SIMC1: variants seen among roughly 807,000 people sequenced by gnomAD.
SIMC1 encodes SUMO interacting motifs containing 1.
In SIMC1, 55 loss-of-function variants were observed where a neutral mutation model predicts 82.3. The observed-to-expected ratio is 0.67, with a 90% CI of 0.54 to 0.84. The LOEUF is 0.84. Among genes scored for constraint, SIMC1 ranks in the 40% least tolerant of loss-of-function variants. The pLI is 0.00. For synonymous variants in SIMC1, 353 were observed against 426.3 expected (o/e 0.83, Z 2.12); for missense variants, 915 against 1,107.2 (o/e 0.83, Z 2.46).
At chr5:176,261,760 A>G (rs1413213781) in intron 1 of SIMC1, among the ~76,000 whole-genome samples, 2 of 148,078 alleles carry the variant, frequency 1.4e-5, no homozygotes, top group East Asian at 2.0e-4. Flanking sequence ...AAAAAAAAGG[A>G]AAAAAAAAAG....
intron 4 of SIMC1, among the ~76,000 whole-genome samples, chr5:176,301,333 T>G (rs907572188): frequency 1.3e-5 from 2 of 152,248 alleles, no homozygotes; most frequent in African/African-American, 2.4e-5. Context: ...GATGTGACTT[T>G]GCTCCTCATT....
chr5:176,264,909 C>T (rs1490993734), intron 1 of SIMC1, among the ~76,000 whole-genome samples: 1 of 152,120 alleles, frequency 6.6e-6, no homozygotes, highest in Non-Finnish European at 1.5e-5. Flanking sequence ...TGGCTCATAC[C>T]TATAATCCCA....
At position 176,263,171 on chromosome 5, in the gene SIMC1, T is replaced by C. The variant is rs2560152; in HGVS notation, c.129+24534T>C. Among the ~76,000 whole-genome samples the C allele has an allele frequency of 4.6e-5, 7 of 152,220 alleles. No homozygotes were observed. The East Asian group carries it at 9.6e-4, about 21-fold the overall frequency. Reference sequence around the variant, plus strand: ...TAAATGGAGAAACATTTCATGTTTGTGAATAGGAAAACTCAATGTCATCAA... The same window carrying C: ...TAAATGGAGAAACATTTCATGTTTGCGAATAGGAAAACTCAATGTCATCAA... On this transcript the variant is annotated intron_variant, in intron 1 of 9. Coordinates refer to ENST00000429602, the MANE Select transcript of SIMC1 (RefSeq NM_001308195.2).
chr5:176,336,594 C>T lies in SIMC1; in HGVS notation c.2172-126C>T, dbSNP rs116046473. On this transcript the variant is annotated intron_variant, in intron 7 of 9. Coordinates refer to ENST00000429602, the MANE Select transcript of SIMC1 (RefSeq NM_001308195.2). ...TCCACAGGTTTTGTGATTCTGTGGGCTTCCATGGTATTCCTTCTTAACTGT... is the reference window on the plus strand; with the variant it reads ...TCCACAGGTTTTGTGATTCTGTGGGTTTCCATGGTATTCCTTCTTAACTGT... 973 of 1,316,488 alleles carry T rather than the reference C, an allele frequency of 7.4e-4. 7 individuals carry two copies. In the African/African-American group the frequency reaches 0.013, roughly 17 times the overall value. 81.6% of individuals were successfully genotyped at this position (1,316,488 alleles called of 1,614,324 possible).
At position 176,345,210 on chromosome 5, in the gene SIMC1, G is replaced by A. The variant is rs749370542; in HGVS notation, c.2441G>A (p.Arg814Gln). The change falls in exon 10 of 10, where the codon CGA becomes CAA. Residue 814 changes from arginine (R) to glutamine (Q), a missense_variant. Physicochemically the swap from Arg to Gln is conservative, Grantham distance 43. Coordinates refer to ENST00000429602, the MANE Select transcript of SIMC1 (RefSeq NM_001308195.2). ...CACTTAAGGAGTTCCGTGATCGACC[G>A]AAAGGACTTAATAATCAAAAGGATT... is the stretch of plus-strand genomic sequence containing the variant. ...REHLRSSVID[R>Q]KDLIIKRIKP... is the part of the protein sequence containing the mutation. 8 of 1,613,670 alleles carry A rather than the reference G, an allele frequency of 5.0e-6. No individual in the cohort carries two copies. Among genetic ancestry groups the A allele is most frequent in the East Asian group, 2.2e-5 (1 of 44,882 alleles).
chr5:176,345,030 T>C (rs1248443358), intron 9 of SIMC1, among the ~76,000 whole-genome samples, 153 bp from the exon 10 acceptor site: 1 of 152,108 alleles, frequency 6.6e-6, no homozygotes, highest in Non-Finnish European at 1.5e-5. Flanking sequence ...CTTTTGGAAG[T>C]GGAGTTACTG....
At chr5:176,334,979 G>A (rs1263013814) in intron 7 of SIMC1, among the ~76,000 whole-genome samples, 3 of 151,680 alleles carry the variant, frequency 2.0e-5, no homozygotes, top group Admixed American at 1.3e-4. Flanking sequence ...TAATCCCAGC[G>A]GCTCAGGAGG....
chr5:176,287,110 C>T (rs1413314936), intron 1 of SIMC1, among the ~76,000 whole-genome samples: 2 of 152,116 alleles, frequency 1.3e-5, no homozygotes, highest in Non-Finnish European at 2.9e-5. Flanking sequence ...ACCATTTGAC[C>T]CAGCCATCCC....
rs373567827 is a variant in SIMC1, at chr5:176,260,848, A to G, written c.129+22211A>G. Among the ~76,000 whole-genome samples the G allele has an allele frequency of 1.6e-4, 24 of 152,268 alleles. No homozygotes were observed. In the South Asian group the frequency reaches 1.7e-3, roughly 11 times the overall value. ...AGATGCGCAGAAATGGCAGATGCTC[A>G]CTTTCCCAGGCTCTGGTACACCTAG... On this transcript the variant is annotated intron_variant, in intron 1 of 9. Coordinates refer to ENST00000429602, the MANE Select transcript of SIMC1 (RefSeq NM_001308195.2).
At chr5:176,245,395 C>T (rs941307472) in intron 1 of SIMC1, among the ~76,000 whole-genome samples, 32 of 152,156 alleles carry the variant, frequency 2.1e-4, no homozygotes, top group African/African-American at 7.5e-4. Context: ...TTCAAGAGAA[C>T]GTGGCTCTGT....
At chr5:176,275,742 G>C (rs1445460553) in intron 1 of SIMC1, among the ~76,000 whole-genome samples, 1 of 151,792 alleles carries the variant, frequency 6.6e-6, no homozygotes, top group Non-Finnish European at 1.5e-5. Flanking sequence ...TGTGGTTTTT[G>C]TCTTTGGTTC....
intron 7 of SIMC1, among the ~76,000 whole-genome samples, chr5:176,330,990 A>G (rs1765631429): frequency 1.3e-5 from 2 of 152,208 alleles, no homozygotes; most frequent in Admixed American, 1.3e-4. Flanking sequence ...ATTGAGAACA[A>G]CAAAACACCA....
At chr5:176,268,606 A>C (rs1411214729) in intron 1 of SIMC1, among the ~76,000 whole-genome samples, 1 of 152,200 alleles carries the variant, frequency 6.6e-6, no homozygotes, top group Non-Finnish European at 1.5e-5. Context: ...TAATGATAAA[A>C]GAGTTAATAC....
chr5:176,289,987 T>G lies in SIMC1; in HGVS notation c.463T>G (p.Tyr155Asp), dbSNP rs372294231. 9.9e-6 allele frequency: 16 copies of G among 1,613,442 alleles called. No individual in the cohort carries two copies. Among genetic ancestry groups the G allele is most frequent in the Non-Finnish European group, 1.4e-5 (16 of 1,179,600 alleles). The change falls in exon 2 of 10, where the codon TAT (tyrosine) becomes GAT (aspartate). Residue 155 changes from tyrosine to aspartate, a missense_variant. Tyr to Asp is a radical substitution (Grantham distance 160). This residue lies in a region of SIMC1 where 902 missense variants were observed against 1,040.3 expected (regional missense o/e 0.87). Coordinates refer to ENST00000429602, the MANE Select transcript of SIMC1 (RefSeq NM_001308195.2). ...TACATCCATCAGTGGAGGCTCTGTT[T>G]ATCCAACAGAGCCTAATTGTAGCTC... ...PATSISGGSV[Y>D]PTEPNCSSAT... is the part of the protein sequence containing the mutation.
At chr5:176,330,011 C>T (rs1240832833) in intron 7 of SIMC1, among the ~76,000 whole-genome samples, 1 of 152,044 alleles carries the variant, frequency 6.6e-6, no homozygotes, top group Non-Finnish European at 1.5e-5. Flanking sequence ...TGTTTCCTAC[C>T]TCTGCCCACT....
intron 5 of SIMC1, among the ~76,000 whole-genome samples, chr5:176,318,645 G>A (rs1210638825): frequency 6.6e-6 from 1 of 152,190 alleles, no homozygotes; most frequent in Non-Finnish European, 1.5e-5. Context: ...TAAGAAAGGT[G>A]TATAGGAAGT....
intron 4 of SIMC1, among the ~76,000 whole-genome samples, chr5:176,305,065 C>A (rs1196998477): frequency 1.3e-5 from 2 of 150,060 alleles, no homozygotes; most frequent in Non-Finnish European, 3.0e-5. Context: ...AGCGTCTCCG[C>A]CCGGCAGCCA....
At chr5:176,244,823 G>A (rs1317116975) in intron 1 of SIMC1, among the ~76,000 whole-genome samples, 2 of 145,776 alleles carry the variant, frequency 1.4e-5, no homozygotes, top group Admixed American at 1.4e-4. Flanking sequence ...CCTGGCTCAA[G>A]TGATTCTCCT....
In SIMC1 at chr5:176,289,979, G is replaced by T. The variant is rs1763469419; in HGVS notation, c.455G>T (p.Gly152Val). ...CCACCCGCTACATCCATCAGTGGAG[G>T]CTCTGTTTATCCAACAGAGCCTAAT... is the stretch of plus-strand genomic sequence containing the variant. ...GPPPATSISG[G>V]SVYPTEPNCS... The change falls in exon 2 of 10, where the codon GGC becomes GTC. Residue 152 changes from glycine (G) to valine (V), a missense_variant. Coordinates refer to ENST00000429602, the MANE Select transcript of SIMC1 (RefSeq NM_001308195.2). 6.2e-7 allele frequency: 1 copy of T among 1,613,592 alleles called. No homozygotes were observed. Among genetic ancestry groups the T allele is most frequent in the South Asian group, 1.1e-5 (1 of 91,068 alleles).
Sources: gnomAD v4.1 joint callset for allele counts (sites outside exome capture counted in the v4.1 genomes callset) on GRCh38, gnomAD v4.1.1 for gene constraint, gnomAD v4.1.1 regional missense constraint, MANE v1.5 for transcripts, NCBI Gene and HGNC (gene_info 2026-07-23, HGNC 2026-07-21) for gene names.